ERC2: variants seen among roughly 807,000 people sequenced by gnomAD.
The protein encoded by ERC2 is ERC protein 2.
ERC2 carries 42 observed loss-of-function variants against 114.8 expected under a neutral mutation model. That is an observed-to-expected ratio of 0.37 (90% CI 0.29 to 0.47). The LOEUF (loss-of-function observed/expected upper bound fraction) is 0.47, where lower values mean the gene tolerates loss of function less well. Ranked by LOEUF, ERC2 falls within the 20% of genes least tolerant of loss-of-function variation. The pLI, the probability that ERC2 is intolerant of heterozygous loss-of-function variation, is 0.99. For missense variants in ERC2, 939 were observed against 1,150.7 expected, an observed-to-expected ratio of 0.82 and a Z score of 2.66; for synonymous variants, 454 against 425.5, an observed-to-expected ratio of 1.07 and a Z score of -0.82.
chr3:56,061,960 A>G (rs1242074905), intron 7 of ERC2, among the ~76,000 whole-genome samples: 2 of 152,202 alleles, frequency 1.3e-5, no homozygotes, highest in East Asian at 1.9e-4. Context: ...AAATTAGCAA[A>G]TAAACATTTC....
chr3:56,396,970 A>C (rs2060332093), intron 2 of ERC2, among the ~76,000 whole-genome samples: 1 of 152,050 alleles, frequency 6.6e-6, no homozygotes, highest in African/African-American at 2.4e-5. Context: ...ACCTCAAGCC[A>C]CTGAAGAGTA....
At chr3:56,327,595 G>A (rs990128803) in intron 2 of ERC2, among the ~76,000 whole-genome samples, 1 of 152,184 alleles carries the variant, frequency 6.6e-6, no homozygotes, top group African/African-American at 2.4e-5. Flanking sequence ...AGAATCGCTT[G>A]AACCAGGGAG....
At chr3:56,180,017 G>A (rs1335055909) in intron 3 of ERC2, among the ~76,000 whole-genome samples, 1 of 152,118 alleles carries the variant, frequency 6.6e-6, no homozygotes, top group African/African-American at 2.4e-5. Flanking sequence ...GAAGTCAGGA[G>A]CAAGCAGCAA....
rs1439626704 is a variant in ERC2, at chr3:55,642,324, T to A, written c.*39+41470A>T. Reference sequence around the variant, plus strand: ...CGCTTTCCACAGATCACAGCTTTTTTTTTTTTCTTTTCTTTTTTTTTTTCT... The same window carrying A: ...CGCTTTCCACAGATCACAGCTTTTTATTTTTTCTTTTCTTTTTTTTTTTCT... On this transcript the variant is annotated intron_variant, in intron 17 of 17. Coordinates refer to ENST00000288221, the MANE Select transcript of ERC2 (RefSeq NM_015576.3). Among the ~76,000 whole-genome samples the A allele has an allele frequency of 2.8e-5, 4 of 141,200 alleles. No individual in the cohort carries two copies. In the East Asian group the frequency reaches 8.8e-4, roughly 31 times the overall value. The allele number at this position is 141,200 out of a possible 152,430, so 92.6% of individuals were successfully genotyped here. A position where few individuals can be genotyped will look rare whatever the true frequency, so the allele number is the denominator to read the frequency against.
In ERC2 at chr3:56,434,889, G is replaced by A. The variant is rs934386198; in HGVS notation, c.119C>T (p.Thr40Ile). Residue 40 changes from threonine to isoleucine, a missense_variant, in exon 2 of 18, where the codon ACA becomes ATA. Thr to Ile is a moderately conservative substitution (Grantham distance 89, BLOSUM62 -1). This residue lies in a region of ERC2 where 281 missense variants were observed against 307.4 expected (regional missense o/e 0.91). Coordinates refer to ENST00000288221, the MANE Select transcript of ERC2 (RefSeq NM_015576.3). ...ATTCTCCATAGACAGAGTCTTGCCT[G>A]TTCCTCCACCTCCCCCACTACTTGT... ...RRTSSGGGGG[T>I]GKTLSMENIQ... 6.2e-7 allele frequency: 1 copy of A among 1,613,708 alleles called. No homozygotes were observed. The highest frequency in any genetic ancestry group is 8.5e-7 in the Non-Finnish European group (1 of 1,179,884).
chr3:56,223,518 C>CAAAAAAAAAAAA (rs60141863), intron 3 of ERC2, among the ~76,000 whole-genome samples: 1 of 123,010 alleles, frequency 8.1e-6, no homozygotes, highest in Non-Finnish European at 1.7e-5. Flanking sequence ...AGAAAAATGG[C>CAAAAAAAAAAAA]AAAAAAAAAA....
chr3:55,676,038 A>C (rs911589698), intron 17 of ERC2, among the ~76,000 whole-genome samples: 2 of 148,584 alleles, frequency 1.3e-5, no homozygotes, highest in African/African-American at 5.0e-5. Context: ...CTCCTGCCTC[A>C]GCTTCCCAGG....
chr3:56,311,349 G>GTGAC (rs2056565954), intron 2 of ERC2, among the ~76,000 whole-genome samples: 1 of 146,362 alleles, frequency 6.8e-6, no homozygotes, highest in Non-Finnish European at 1.5e-5. Context: ...ACCCAGGCTG[G>GTGAC]AGTGCAGTGG....
At chr3:56,290,782 C>G (rs942624892) in intron 3 of ERC2, among the ~76,000 whole-genome samples, 2 of 152,158 alleles carry the variant, frequency 1.3e-5, no homozygotes, top group East Asian at 3.9e-4. Flanking sequence ...TGGGTTCAAC[C>G]TGGATAAGGA....
chr3:55,993,707 A>G (rs779689198), intron 10 of ERC2, among the ~76,000 whole-genome samples: 10 of 151,918 alleles, frequency 6.6e-5, no homozygotes, highest in African/African-American at 2.2e-4. Flanking sequence ...AAATATGTCA[A>G]TTCAACACAC....
intron 2 of ERC2, among the ~76,000 whole-genome samples, chr3:56,358,979 A>G (rs2150551830): frequency 6.6e-6 from 1 of 152,378 alleles, no homozygotes; most frequent in South Asian, 2.1e-4. Flanking sequence ...ATAAAATTGC[A>G]GAGCAATAAA....
chr3:55,647,444 G>A (rs997714856), intron 17 of ERC2, among the ~76,000 whole-genome samples: 4 of 152,292 alleles, frequency 2.6e-5, no homozygotes, highest in East Asian at 1.9e-4. Context: ...CCACAAATAC[G>A]TTGACTGAAA....
intron 17 of ERC2, among the ~76,000 whole-genome samples, chr3:55,539,105 G>A (rs189699816): frequency 2.3e-4 from 35 of 152,088 alleles, no homozygotes; most frequent in African/African-American, 8.2e-4. Context: ...CTGATAATAA[G>A]AGAGAAAAAC....
At chr3:55,594,930 C>T (rs889594924) in intron 17 of ERC2, among the ~76,000 whole-genome samples, 21 of 152,086 alleles carry the variant, frequency 1.4e-4, no homozygotes, top group African/African-American at 5.1e-4. Context: ...CACTACCCTC[C>T]CCCCACCATA....
intron 14 of ERC2, among the ~76,000 whole-genome samples, chr3:55,751,010 A>G (rs1316476231): frequency 6.6e-6 from 1 of 152,256 alleles, no homozygotes; most frequent in Non-Finnish European, 1.5e-5. Context: ...TAGGTTAGCA[A>G]GCATATGTTG....
chr3:56,053,998 T>C (rs908956705), intron 7 of ERC2, among the ~76,000 whole-genome samples: 1 of 152,212 alleles, frequency 6.6e-6, no homozygotes, highest in African/African-American at 2.4e-5. Flanking sequence ...GATCATTTAT[T>C]CAAAAGCACA....
intron 2 of ERC2, among the ~76,000 whole-genome samples, chr3:56,300,289 A>G (rs2055780702): frequency 6.6e-6 from 1 of 151,750 alleles, no homozygotes; most frequent in African/African-American, 2.4e-5. Context: ...ACAAAAAAAA[A>G]AAAAAAGAAA....
chr3:56,097,302 T>C (rs1256108783), intron 6 of ERC2, among the ~76,000 whole-genome samples: 3 of 151,978 alleles, frequency 2.0e-5, no homozygotes, highest in Non-Finnish European at 2.9e-5. Flanking sequence ...AGAATTGCCA[T>C]GATGTTAAAA....
chr3:55,906,902 G>C (rs948783965), intron 13 of ERC2, among the ~76,000 whole-genome samples: 1 of 152,176 alleles, frequency 6.6e-6, no homozygotes, highest in Admixed American at 6.5e-5. Flanking sequence ...AGGGTGATCA[G>C]GCTGAGTATG....
Sources: gnomAD v4.1 joint callset for allele counts (sites outside exome capture counted in the v4.1 genomes callset) on GRCh38, gnomAD v4.1.1 for gene constraint, gnomAD v4.1.1 regional missense constraint, MANE v1.5 for transcripts, NCBI Gene and HGNC (gene_info 2026-07-23, HGNC 2026-07-21) for gene names.